Variants in AUTS2 observed in about 807,000 individuals in gnomAD.
The protein encoded by AUTS2 is activator of transcription and developmental regulator AUTS2, also known as autism susceptibility gene 2 protein.
Under a neutral mutation model 112.4 loss-of-function variants are expected in AUTS2, and 17 were observed. That is an observed-to-expected ratio of 0.15 (90% CI 0.10 to 0.23). AUTS2 has a LOEUF of 0.23. AUTS2 is among the 10% of genes least tolerant of loss of function. AUTS2 has a pLI of 1.00. For missense variants in AUTS2, 1,510 were observed against 1,701.6 expected, an observed-to-expected ratio of 0.89 and a Z score of 1.98; for synonymous variants, 751 against 702.7, an observed-to-expected ratio of 1.07 and a Z score of -1.09.
intron 5 of AUTS2, among the ~76,000 whole-genome samples, chr7:70,645,310 A>T (rs945371279): frequency 3.4e-5 from 5 of 146,564 alleles, no homozygotes; most frequent in African/African-American, 1.3e-4. Flanking sequence ...ATCTCCCCAG[A>T]CCCCTCTCTT....
At chr7:70,084,124 A>G (rs965007816) in intron 2 of AUTS2, among the ~76,000 whole-genome samples, 1 of 152,144 alleles carries the variant, frequency 6.6e-6, no homozygotes, top group Non-Finnish European at 1.5e-5. Flanking sequence ...TTGTCACTAT[A>G]AAGTTGTATA....
chr7:69,905,662 C>T (rs1354731649), intron 2 of AUTS2, among the ~76,000 whole-genome samples: 1 of 152,130 alleles, frequency 6.6e-6, no homozygotes, highest in Non-Finnish European at 1.5e-5. Flanking sequence ...CAGATCCTTC[C>T]CTACTTAGTT....
intron 2 of AUTS2, among the ~76,000 whole-genome samples, chr7:70,051,643 C>T (rs995009298): frequency 1.3e-4 from 20 of 152,110 alleles, no homozygotes; most frequent in African/African-American, 2.7e-4. Context: ...CACTTGAACC[C>T]GGAAGGTGAA....
intron 2 of AUTS2, among the ~76,000 whole-genome samples, chr7:70,111,996 C>A (rs1201454262): frequency 2.0e-5 from 3 of 151,864 alleles, no homozygotes; most frequent in Non-Finnish European, 4.4e-5. Flanking sequence ...TTTTAGAATT[C>A]TCTTCCTCTG....
chr7:70,476,992 GTCTTT>G (rs1396172319), intron 5 of AUTS2, among the ~76,000 whole-genome samples: 2 of 152,168 alleles, frequency 1.3e-5, no homozygotes, highest in Non-Finnish European at 2.9e-5. Flanking sequence ...AGGATGCCAG[GTCTTT>G]TCTGAGTTTC....
chr7:70,351,573 T>C (rs1201909225), intron 4 of AUTS2, among the ~76,000 whole-genome samples: 3 of 152,218 alleles, frequency 2.0e-5, no homozygotes, highest in Non-Finnish European at 4.4e-5. Flanking sequence ...ATTCTATTTT[T>C]AAATTTTGGT....
At chr7:70,431,612 C>T (rs1363186798) in intron 4 of AUTS2, among the ~76,000 whole-genome samples, 1 of 152,206 alleles carries the variant, frequency 6.6e-6, no homozygotes, top group Non-Finnish European at 1.5e-5. Flanking sequence ...TCTCAAACTC[C>T]TGACCTCATG....
chr7:69,762,808 A>C (rs1788251044), intron 1 of AUTS2, among the ~76,000 whole-genome samples: 1 of 152,212 alleles, frequency 6.6e-6, no homozygotes, highest in South Asian at 2.1e-4. Flanking sequence ...TTATTCTGGA[A>C]TGACATACCT....
chr7:70,718,479 A>G (rs1033322844), intron 6 of AUTS2, among the ~76,000 whole-genome samples: 5 of 152,190 alleles, frequency 3.3e-5, no homozygotes, highest in African/African-American at 1.2e-4. Context: ...CCTGGCCAAC[A>G]TGGCAAAACA....
intron 1 of AUTS2, among the ~76,000 whole-genome samples, chr7:69,640,993 A>G (rs955106180): frequency 2.0e-5 from 3 of 152,158 alleles, no homozygotes; most frequent in South Asian, 4.1e-4. Flanking sequence ...AGATTGAAGG[A>G]AGTTGCAAGT....
chr7:69,614,520 T>A (rs201145860), intron 1 of AUTS2, among the ~76,000 whole-genome samples: 2 of 151,880 alleles, frequency 1.3e-5, no homozygotes, highest in South Asian at 2.1e-4. Context: ...GCTAATTTTT[T>A]AATTTTTTTT....
chr7:70,117,952 G>A (rs548495142), intron 2 of AUTS2, among the ~76,000 whole-genome samples, 180 bp from the exon 3 acceptor site: 101 of 151,964 alleles, frequency 6.6e-4, no homozygotes, highest in Non-Finnish European at 1.2e-3. Flanking sequence ...TTTCCACCTC[G>A]TTGGTCAGGC....
chr7:70,384,697 A>T (rs1283195943), intron 4 of AUTS2, among the ~76,000 whole-genome samples: 1 of 152,182 alleles, frequency 6.6e-6, no homozygotes, highest in African/African-American at 2.4e-5. Flanking sequence ...TTGTTGATAG[A>T]CAATGTCAGA....
chr7:69,787,395 C>G (rs1046440263), intron 1 of AUTS2, among the ~76,000 whole-genome samples: 2 of 152,154 alleles, frequency 1.3e-5, no homozygotes, highest in African/African-American at 4.8e-5. Flanking sequence ...AAATTCTAAC[C>G]AGAAGTAGTA....
At chr7:69,997,263 GT>G (rs199507704) in intron 2 of AUTS2, among the ~76,000 whole-genome samples, 4,313 of 152,226 alleles carry the variant, frequency 0.028, 106 homozygotes, top group Middle Eastern at 0.058. Context: ...AGAGTTACTT[GT>G]TCTCCTATGT....
chr7:70,740,863 G>A (rs1353485112), intron 6 of AUTS2, among the ~76,000 whole-genome samples: 2 of 152,052 alleles, frequency 1.3e-5, no homozygotes, highest in African/African-American at 4.8e-5. Flanking sequence ...GGAGGCCAAG[G>A]CAGACGGATC....
chr7:70,197,429 A>G, intron 4 of AUTS2, among the ~76,000 whole-genome samples: 1 of 147,950 alleles, frequency 6.8e-6, no homozygotes, highest in Non-Finnish European at 1.5e-5. Context: ...CATCTGAGGT[A>G]CCGGGTTCAT....
intron 4 of AUTS2, among the ~76,000 whole-genome samples, chr7:70,415,442 T>C (rs1289939883): frequency 6.6e-6 from 1 of 152,230 alleles, no homozygotes; most frequent in Middle Eastern, 3.2e-3. Flanking sequence ...ACAGTGGTGA[T>C]ATTAGACTTA....
chr7:69,837,996 G>A (rs889738738), intron 1 of AUTS2, among the ~76,000 whole-genome samples: 3 of 152,104 alleles, frequency 2.0e-5, no homozygotes, highest in Non-Finnish European at 4.4e-5. Flanking sequence ...TTGATGGCAT[G>A]GATTGTTTTG....
Sources: allele counts gnomAD v4.1 joint callset (sites outside exome capture counted in the v4.1 genomes callset), GRCh38; gene constraint gnomAD v4.1.1; transcripts MANE v1.5; gene names NCBI Gene and HGNC (gene_info 2026-07-23, HGNC 2026-07-21).